WWP2: variants seen among roughly 807,000 people sequenced by gnomAD.
WWP2 encodes WW domain containing E3 ubiquitin protein ligase 2.
WWP2 carries 57 observed loss-of-function variants against 121.0 expected under a neutral mutation model. The ratio of observed to expected loss-of-function variants is 0.47; its 90% CI spans 0.38 to 0.59. WWP2 has a LOEUF of 0.59. Ranked by LOEUF, WWP2 falls within the 20% of genes least tolerant of loss-of-function variation. WWP2 has a pLI of 0.00. For missense variants in WWP2, 962 were observed against 1,158.9 expected (o/e 0.83, Z 2.47); for synonymous variants, 449 against 441.3 (o/e 1.02, Z -0.22).
intron 6 of WWP2, among the ~76,000 whole-genome samples, chr16:69,852,720 A>G (rs922714782): frequency 2.6e-5 from 4 of 152,062 alleles, no homozygotes; most frequent in Non-Finnish European, 5.9e-5. Context: ...TATATTTTGG[A>G]TAGCAGTTCT....
At chr16:69,922,827 G>A (rs76717380) in intron 10 of WWP2, among the ~76,000 whole-genome samples, 2,627 of 152,260 alleles carry the variant, frequency 0.017, 47 homozygotes, top group South Asian at 0.03. Flanking sequence ...ATTGTTGTGA[G>A]GATCAGCTCC....
intron 18 of WWP2, 88 bp from the exon 19 acceptor site, chr16:69,936,224 C>T (rs2151998075): frequency 6.3e-7 from 1 of 1,577,304 alleles, no homozygotes; most frequent in Non-Finnish European, 8.6e-7. Context: ...CACCTGTGGG[C>T]CCTTGGTGTC....
At chr16:69,879,657 G>A (rs752965803) in intron 7 of WWP2, among the ~76,000 whole-genome samples, 4 of 152,238 alleles carry the variant, frequency 2.6e-5, no homozygotes, top group Admixed American at 1.3e-4. Flanking sequence ...CCTTTTGGCT[G>A]TTGGAATAAT....
At chr16:69,762,815 T>C (rs1416704358) in intron 1 of WWP2, among the ~76,000 whole-genome samples, 1 of 152,220 alleles carries the variant, frequency 6.6e-6, no homozygotes, top group Admixed American at 6.5e-5. Context: ...AAAAAGATGC[T>C]GCCTGGACCC....
intron 8 of WWP2, among the ~76,000 whole-genome samples, chr16:69,907,366 C>T (rs564704407): frequency 2.6e-5 from 4 of 152,232 alleles, no homozygotes; most frequent in South Asian, 2.1e-4. Flanking sequence ...TCACATCGTC[C>T]GCTTCTATAT....
At chr16:69,933,479 T>C (rs1293582849) in intron 16 of WWP2, among the ~76,000 whole-genome samples, 1 of 152,018 alleles carries the variant, frequency 6.6e-6, no homozygotes, top group Non-Finnish European at 1.5e-5. Flanking sequence ...TGGATCGGGG[T>C]TGGAAATGTG....
At position 69,925,099 on chromosome 16, in the gene WWP2, G is replaced by T; in HGVS notation, c.1180-331G>T. ...AGGCACTGGGCCGAGCCTGCTTCCC[G>T]GGCCTTCCTACCATGCCAGGGCTGC... On this transcript the variant is annotated intron_variant, in intron 10 of 23. Transcript: ENST00000359154. This position sits in a 1 kb window ranked among gnomAD's most constrained non-coding sequence, Gnocchi z 4.0. The T allele has an allele frequency of 9.3e-7, 1 of 1,072,740 alleles. No individual in the cohort carries two copies. The highest frequency in any genetic ancestry group is 1.1e-6 in the Non-Finnish European group (1 of 886,342). 66.5% of individuals were successfully genotyped at this position (1,072,740 alleles called of 1,614,324 possible). A position where few individuals can be genotyped will look rare whatever the true frequency, so the allele number is the denominator to read the frequency against.
chr16:69,863,951 C>T (rs1166785098), intron 6 of WWP2, among the ~76,000 whole-genome samples: 1 of 152,206 alleles, frequency 6.6e-6, no homozygotes, highest in Non-Finnish European at 1.5e-5. Context: ...AGTTGGTCTA[C>T]TCATTCACCA....
At chr16:69,922,652 G>A (rs976218838) in intron 10 of WWP2, among the ~76,000 whole-genome samples, 1 of 152,200 alleles carries the variant, frequency 6.6e-6, no homozygotes, top group African/African-American at 2.4e-5. Flanking sequence ...GCTCATTGGA[G>A]GTGTGGGGTT....
chr16:69,818,943 G>T (rs985552529), intron 4 of WWP2, among the ~76,000 whole-genome samples: 1 of 152,134 alleles, frequency 6.6e-6, no homozygotes, highest in African/African-American at 2.4e-5. Context: ...CAGTATTTAC[G>T]TCTAATTAAC....
chr16:69,763,227 C>T (rs2038656141), intron 1 of WWP2, among the ~76,000 whole-genome samples: 1 of 152,164 alleles, frequency 6.6e-6, no homozygotes, highest in Non-Finnish European at 1.5e-5. Context: ...TTTTCTCTTT[C>T]TTCCGTTTAA....
chr16:69,817,659 CTTTTTTTT>C (rs200998762), intron 4 of WWP2, among the ~76,000 whole-genome samples: 40 of 119,982 alleles, frequency 3.3e-4, no homozygotes, highest in African/African-American at 1.0e-3. Flanking sequence ...TTGTTAAACT[CTTTTTTTT>C]TTTTTTTTTT....
At chr16:69,857,655 C>CT (rs1166811815) in intron 6 of WWP2, among the ~76,000 whole-genome samples, 3,125 of 71,904 alleles carry the variant, frequency 0.043, 155 homozygotes, top group East Asian at 0.12. Flanking sequence ...AAGGTCAACT[C>CT]TTTTTTTTTT....
intron 10 of WWP2, among the ~76,000 whole-genome samples, chr16:69,918,484 G>A (rs115456210): frequency 6.6e-6 from 1 of 152,166 alleles, no homozygotes; most frequent in East Asian, 1.9e-4. Flanking sequence ...CATATTAATG[G>A]TGGCTGCTTT....
At chr16:69,922,769 G>A (rs1180963646) in intron 10 of WWP2, among the ~76,000 whole-genome samples, 2 of 152,212 alleles carry the variant, frequency 1.3e-5, no homozygotes, top group Non-Finnish European at 2.9e-5. Flanking sequence ...CCTTAGGGAA[G>A]AAGTATCCAA....
At chr16:69,924,458 G>A (rs2058608838) in intron 10 of WWP2, among the ~76,000 whole-genome samples, 1 of 152,194 alleles carries the variant, frequency 6.6e-6, no homozygotes, top group Non-Finnish European at 1.5e-5. Flanking sequence ...GGAAGAAAGA[G>A]TGGAACAATA....
At chr16:69,809,952 G>A (rs775835928) in intron 4 of WWP2, among the ~76,000 whole-genome samples, 5 of 152,220 alleles carry the variant, frequency 3.3e-5, no homozygotes, top group African/African-American at 4.8e-5. Flanking sequence ...CTCTTGGTGT[G>A]GAACAATGTT....
chr16:69,923,902 C>T (rs2058600282), intron 10 of WWP2, among the ~76,000 whole-genome samples: 1 of 152,048 alleles, frequency 6.6e-6, no homozygotes, highest in Non-Finnish European at 1.5e-5. Context: ...CCCTATCTCC[C>T]CCAACCCCCC....
chr16:69,805,288 G>A (rs549331946), intron 4 of WWP2, among the ~76,000 whole-genome samples: 123 of 152,018 alleles, frequency 8.1e-4, no homozygotes, highest in African/African-American at 1.9e-3. Context: ...TGCCTGCCTC[G>A]GCCTCCCAAA....
Sources: allele counts gnomAD v4.1 joint callset (sites outside exome capture counted in the v4.1 genomes callset), GRCh38; gene constraint gnomAD v4.1.1; non-coding constraint Gnocchi (gnomAD v3.1); transcripts MANE v1.5; gene names NCBI Gene and HGNC (gene_info 2026-07-23, HGNC 2026-07-21).